Variants in PALLD observed in about 807,000 individuals in gnomAD.
The protein encoded by PALLD is palladin, cytoskeletal associated protein, also known as palladin.
Under a neutral mutation model 123.5 loss-of-function variants are expected in PALLD, and 61 were observed. The observed-to-expected ratio is 0.49, with a 90% CI of 0.40 to 0.61. The LOEUF is 0.61. PALLD is among the 20% of genes least tolerant of loss of function. PALLD has a pLI of 0.00. For synonymous variants in PALLD, 465 were observed against 496.4 expected (o/e 0.94, Z 0.84); for missense variants, 1,273 against 1,377.0 (o/e 0.92, Z 1.20).
chr4:168,844,756 T>G lies in PALLD; in HGVS notation c.1965-46166T>G, dbSNP rs1746557268. The G allele has an allele frequency of 6.6e-6, 1 of 152,172 alleles. No individual in the cohort carries two copies. The highest frequency in any genetic ancestry group is 2.1e-4 in the South Asian group (1 of 4,824). 9.4% of individuals were successfully genotyped at this position (152,172 alleles called of 1,614,324 possible). On this transcript the variant is annotated intron_variant, in intron 10 of 21. Transcript: ENST00000505667. The surrounding 1 kb of genome is among the most constrained non-coding windows in gnomAD (Gnocchi z 4.5). ...AGTTATTAACGTGCTTGAAAGTCTT[T>G]CCAAATGCTTCAAAAAGCTAGCAGA...
chr4:168,788,515 T>G (rs1737063656), intron 10 of PALLD, among the ~76,000 whole-genome samples: 3 of 152,166 alleles, frequency 2.0e-5, no homozygotes. Context: ...TTTAGGGCAG[T>G]GAAATCGTTC....
chr4:168,681,654 C>T (rs1255586919), intron 4 of PALLD, among the ~76,000 whole-genome samples: 1 of 150,148 alleles, frequency 6.7e-6, no homozygotes, highest in African/African-American at 2.5e-5. Context: ...AAGTGGTCCT[C>T]CTACTTTAGC....
At chr4:168,697,656 T>C (rs550820683) in intron 8 of PALLD, among the ~76,000 whole-genome samples, 1 of 152,328 alleles carries the variant, frequency 6.6e-6, no homozygotes, top group African/African-American at 2.4e-5. Context: ...CGTTCTGCTT[T>C]GGTCAGTCCT....
At chr4:168,861,777 T>A (rs1749512101) in intron 10 of PALLD, among the ~76,000 whole-genome samples, 1 of 152,102 alleles carries the variant, frequency 6.6e-6, no homozygotes, top group Admixed American at 6.5e-5. Context: ...CATCTCAGCC[T>A]CCCGAGTAGC....
At chr4:168,720,912 ATACTGGC>A (rs1325116438) in intron 10 of PALLD, among the ~76,000 whole-genome samples, 1 of 152,198 alleles carries the variant, frequency 6.6e-6, no homozygotes, top group Non-Finnish European at 1.5e-5. Flanking sequence ...TTTAATGTAA[ATACTGGC>A]TCTGACACAG....
rs530092831 is a variant in PALLD at position 168,851,746 on chromosome 4, A to G, written c.1965-39176A>G. The stretch of plus-strand genomic sequence containing the variant: ...TAAAGAACCGTTAATATTAGACATT[A>G]AAATAATTATGACTCCCTTACCCCT... On this transcript the variant is annotated intron_variant, in intron 10 of 21. Transcript: ENST00000505667. 7.9e-5 allele frequency among the ~76,000 whole-genome samples: 12 copies of G among 152,322 alleles called. No homozygotes were observed. The South Asian group carries it at 2.5e-3, about 32-fold the overall frequency.
intron 2 of PALLD, among the ~76,000 whole-genome samples, chr4:168,554,328 C>T (rs1333463163): frequency 6.6e-6 from 1 of 152,148 alleles, no homozygotes. Context: ...TTACTTTCTC[C>T]AATACCCTTA....
At chr4:168,540,323 T>C (rs1375171346) in intron 2 of PALLD, among the ~76,000 whole-genome samples, 1 of 152,164 alleles carries the variant, frequency 6.6e-6, no homozygotes, top group East Asian at 1.9e-4. Flanking sequence ...TCAGAAAGGC[T>C]TTCCCAGCAT....
chr4:168,634,428 G>A (rs1024007750), intron 2 of PALLD, among the ~76,000 whole-genome samples: 5 of 152,198 alleles, frequency 3.3e-5, no homozygotes, highest in Admixed American at 1.3e-4. Context: ...GAATGTTTTC[G>A]TAAGAAAAGC....
intron 8 of PALLD, 65 bp downstream of exon 8, chr4:168,691,357 T>C: frequency 7.7e-7 from 1 of 1,303,566 alleles, no homozygotes; most frequent in Non-Finnish European, 1.1e-6. Context: ...CTTTTGGGTC[T>C]CAATAGTTCT....
At chr4:168,555,520 C>T (rs1767190719) in intron 2 of PALLD, among the ~76,000 whole-genome samples, 1 of 152,164 alleles carries the variant, frequency 6.6e-6, no homozygotes. Context: ...GGGTTCTATC[C>T]AGAGCAGCCT....
intron 2 of PALLD, among the ~76,000 whole-genome samples, chr4:168,561,750 A>G (rs1346345128): frequency 6.6e-6 from 1 of 152,188 alleles, no homozygotes; most frequent in East Asian, 1.9e-4. Context: ...TCCAAAGCTT[A>G]GCTTTACTTG....
intron 10 of PALLD, among the ~76,000 whole-genome samples, chr4:168,733,934 A>G (rs1038225761): frequency 6.6e-6 from 1 of 152,062 alleles, no homozygotes; most frequent in Admixed American, 6.5e-5. Flanking sequence ...ACGGGGTTTC[A>G]CCATGTTAGC....
intron 10 of PALLD, among the ~76,000 whole-genome samples, chr4:168,788,250 GA>G (rs1737029972): frequency 6.6e-6 from 1 of 151,934 alleles, no homozygotes; most frequent in Admixed American, 6.6e-5. Flanking sequence ...TCTTTCCTTA[GA>G]AAAATGTGTA....
chr4:168,855,302 G>T (rs1748443357), intron 10 of PALLD, among the ~76,000 whole-genome samples: 1 of 152,068 alleles, frequency 6.6e-6, no homozygotes, highest in Admixed American at 6.6e-5. Context: ...TGTTGACCAG[G>T]ATGGTCTCGA....
At chr4:168,518,363 T>C (rs548083557) in intron 2 of PALLD, among the ~76,000 whole-genome samples, 1 of 152,304 alleles carries the variant, frequency 6.6e-6, no homozygotes, top group African/African-American at 2.4e-5. Flanking sequence ...TTCTTTTTCA[T>C]GAAATCACTA....
intron 10 of PALLD, among the ~76,000 whole-genome samples, chr4:168,721,227 G>A (rs1359988201): frequency 6.6e-6 from 1 of 152,110 alleles, no homozygotes; most frequent in Non-Finnish European, 1.5e-5. Flanking sequence ...TAAGTGCGTA[G>A]GAGAGCTCTT....
intron 14 of PALLD, among the ~76,000 whole-genome samples, chr4:168,902,884 G>A (rs1283155872): frequency 6.6e-6 from 1 of 152,090 alleles, no homozygotes; most frequent in Admixed American, 6.5e-5. Context: ...CAATCCTCCT[G>A]ACTCAGCCTT....
intron 10 of PALLD, among the ~76,000 whole-genome samples, chr4:168,768,122 G>A (rs114196904): frequency 0.026 from 3,913 of 152,148 alleles, 75 homozygotes; most frequent in South Asian, 0.058. Flanking sequence ...TCTCCCATCC[G>A]CATTCCACTG....
Sources: allele counts gnomAD v4.1 joint callset (sites outside exome capture counted in the v4.1 genomes callset), GRCh38; gene constraint gnomAD v4.1.1; non-coding constraint Gnocchi (gnomAD v3.1); transcripts MANE v1.5; gene names NCBI Gene and HGNC (gene_info 2026-07-23, HGNC 2026-07-21).